The following ACAP2 variants were observed in gnomAD, a reference collection of about 807,000 sequenced individuals.
ACAP2 encodes ArfGAP with coiled-coil, ankyrin repeat and PH domains 2.
Under a neutral mutation model 115.8 loss-of-function variants are expected in ACAP2, and 39 were observed. That is an observed-to-expected ratio of 0.34 (90% CI 0.26 to 0.44). ACAP2 has a LOEUF of 0.44. ACAP2 is among the 20% of genes least tolerant of loss of function. The pLI, the probability that ACAP2 is intolerant of heterozygous loss-of-function variation, is 1.00. For missense variants in ACAP2, 662 were observed against 927.6 expected (o/e 0.71, Z 3.72); for synonymous variants, 289 against 315.8 (o/e 0.92, Z 0.90).
intron 1 of ACAP2, among the ~76,000 whole-genome samples, chr3:195,436,367 C>A (rs913734261): frequency 6.6e-6 from 1 of 152,100 alleles, no homozygotes; most frequent in Non-Finnish European, 1.5e-5. Flanking sequence ...CTCAAGAGAT[C>A]AAGCGATCTG....
intron 10 of ACAP2, among the ~76,000 whole-genome samples, chr3:195,315,544 T>C (rs1164570084): frequency 6.6e-6 from 1 of 152,182 alleles, no homozygotes; most frequent in African/African-American, 2.4e-5. Flanking sequence ...GTAAGAAAAA[T>C]GCCATAGGAT....
intron 1 of ACAP2, among the ~76,000 whole-genome samples, chr3:195,408,998 C>A (rs990746113): frequency 6.6e-6 from 1 of 151,918 alleles, no homozygotes; most frequent in African/African-American, 2.4e-5. Flanking sequence ...TCATACTCTA[C>A]TGAAAGCTTC....
chr3:195,359,233 C>T (rs1055040514), intron 4 of ACAP2, among the ~76,000 whole-genome samples: 14 of 152,158 alleles, frequency 9.2e-5, no homozygotes, highest in African/African-American at 3.4e-4. Context: ...AAGAAGAAAT[C>T]ATCTGCAGGT....
At chr3:195,438,871 C>T (rs1715786060) in intron 1 of ACAP2, among the ~76,000 whole-genome samples, 1 of 152,030 alleles carries the variant, frequency 6.6e-6, no homozygotes, top group South Asian at 2.1e-4. Context: ...ACCAGCCTGG[C>T]TAACATGGTG....
At chr3:195,291,466 T>C (rs1727249582) in intron 20 of ACAP2, among the ~76,000 whole-genome samples, 1 of 152,238 alleles carries the variant, frequency 6.6e-6, no homozygotes, top group South Asian at 2.1e-4. Context: ...CTAAAACTGA[T>C]CTATTTAATG....
chr3:195,430,844 G>A (rs545312605), intron 1 of ACAP2, among the ~76,000 whole-genome samples: 3 of 152,268 alleles, frequency 2.0e-5, no homozygotes, highest in African/African-American at 4.8e-5. Flanking sequence ...CCACCTATGC[G>A]TTTGATTATA....
Position 195,278,284 on chromosome 3 carries a change from A to C in ACAP2, c.*1044T>G, listed in dbSNP as rs145908931. 20 of 152,304 alleles carry C rather than the reference A, an allele frequency of 1.3e-4. No homozygotes were observed. Among genetic ancestry groups the C allele is most frequent in the African/African-American group, 4.3e-4 (18 of 41,562 alleles). 9.4% of individuals were successfully genotyped at this position (152,304 alleles called of 1,614,324 possible). ...GAATGTACACTGTGTACAAGTACAC[A>C]AAATAGATGTAGAAAAAATAAACAG... On this transcript the variant is annotated 3_prime_UTR_variant, in exon 23 of 23. Transcript: ENST00000326793.
At chr3:195,340,907 C>G (rs1047114201) in intron 6 of ACAP2, among the ~76,000 whole-genome samples, 1 of 152,130 alleles carries the variant, frequency 6.6e-6, no homozygotes, top group East Asian at 1.9e-4. Context: ...TAACTTCCCA[C>G]TTACTGAACA....
At chr3:195,297,365 TAC>T (rs1727723567) in intron 15 of ACAP2, 84 bp from the exon 16 acceptor site, 2 of 1,102,896 alleles carry the variant, frequency 1.8e-6, no homozygotes, top group African/African-American at 3.2e-5. Context: ...TTTAAGCAAG[TAC>T]AGTTAACTAA....
chr3:195,320,908 G>C (rs1729405947), intron 9 of ACAP2, 95 bp from the exon 10 acceptor site: 3 of 727,514 alleles, frequency 4.1e-6, no homozygotes, highest in Non-Finnish European at 6.9e-6. Context: ...AGGAAGAAAA[G>C]GTTTATATTA....
chr3:195,434,449 C>T (rs560206353), intron 1 of ACAP2, among the ~76,000 whole-genome samples: 31 of 151,604 alleles, frequency 2.0e-4, no homozygotes, highest in African/African-American at 7.3e-4. Context: ...CCTGTGTTGC[C>T]CAGACTAAAC....
intron 4 of ACAP2, among the ~76,000 whole-genome samples, chr3:195,371,091 T>A (rs1733106347): frequency 6.6e-6 from 1 of 152,208 alleles, no homozygotes. Context: ...TTTTTCTAGT[T>A]CTGTGAAGAC....
At chr3:195,351,451 T>C (rs1170721915) in intron 4 of ACAP2, among the ~76,000 whole-genome samples, 1 of 74,970 alleles carries the variant, frequency 1.3e-5, no homozygotes, top group Admixed American at 1.2e-4. Context: ...CGTGTGTGTG[T>C]GTGTGTGTGT....
At chr3:195,289,678 C>T (rs1268604652) in intron 20 of ACAP2, among the ~76,000 whole-genome samples, 8 of 150,972 alleles carry the variant, frequency 5.3e-5, no homozygotes, top group Non-Finnish European at 8.9e-5. Context: ...TGGTGGCGGA[C>T]GCCTGTAGTC....
At chr3:195,318,525 A>G (rs1729239049) in intron 10 of ACAP2, among the ~76,000 whole-genome samples, 1 of 152,034 alleles carries the variant, frequency 6.6e-6, no homozygotes, top group Non-Finnish European at 1.5e-5. Flanking sequence ...AACAAATGTC[A>G]CTCTCGCTAT....
intron 22 of ACAP2, chr3:195,285,390 G>T (rs1726775867): frequency 6.4e-6 from 1 of 156,530 alleles, no homozygotes; most frequent in South Asian, 2.1e-4. Context: ...AAACAATTTT[G>T]TTATATTCAC....
chr3:195,379,980 T>C (rs1006485561), intron 4 of ACAP2, among the ~76,000 whole-genome samples: 1 of 152,070 alleles, frequency 6.6e-6, no homozygotes, highest in Admixed American at 6.5e-5. Flanking sequence ...TTTTAAAAAA[T>C]TGACAATAAC....
intron 16 of ACAP2, among the ~76,000 whole-genome samples, chr3:195,296,865 G>T (rs891899244): frequency 6.6e-6 from 1 of 152,114 alleles, no homozygotes; most frequent in Non-Finnish European, 1.5e-5. Context: ...GATCCTTAGA[G>T]ACAGTAATGA....
At chr3:195,290,488 C>CTGAT in intron 20 of ACAP2, among the ~76,000 whole-genome samples, 1 of 152,030 alleles carries the variant, frequency 6.6e-6, no homozygotes, top group Non-Finnish European at 1.5e-5. Flanking sequence ...AATCTCTTTG[C>CTGAT]TGATAGAAGA....
Sources: gnomAD v4.1 joint callset for allele counts (sites outside exome capture counted in the v4.1 genomes callset) on GRCh38, gnomAD v4.1.1 for gene constraint, MANE v1.5 for transcripts, NCBI Gene and HGNC (gene_info 2026-07-23, HGNC 2026-07-21) for gene names.